The following TAFA2 variants were observed in gnomAD, a reference collection of about 807,000 sequenced individuals.
TAFA2 encodes the protein chemokine-like protein TAFA-2.
Under a neutral mutation model 18.8 loss-of-function variants are expected in TAFA2, and 7 were observed. That is an observed-to-expected ratio of 0.37 (90% CI 0.21 to 0.70). The LOEUF is 0.70. Ranked by LOEUF, TAFA2 falls within the 30% of genes least tolerant of loss-of-function variation. TAFA2 has a pLI of 0.53. For synonymous variants in TAFA2, 60 were observed against 54.2 expected (o/e 1.11, Z -0.47); for missense variants, 122 against 158.1 (o/e 0.77, Z 1.23).
intron 1 of TAFA2, among the ~76,000 whole-genome samples, chr12:62,148,906 T>C (rs923352300): frequency 6.6e-6 from 1 of 152,186 alleles, no homozygotes; most frequent in African/African-American, 2.4e-5. Flanking sequence ...CTTGTTGAGG[T>C]ATTCATGGAT....
At chr12:62,232,266 C>T (rs2062814853) in intron 1 of TAFA2, among the ~76,000 whole-genome samples, 1 of 152,180 alleles carries the variant, frequency 6.6e-6, no homozygotes, top group Admixed American at 6.5e-5. Flanking sequence ...CACTCTCACA[C>T]CCTGGCCAAA....
At chr12:61,905,597 A>T (rs1876312479) in intron 1 of TAFA2, among the ~76,000 whole-genome samples, 1 of 152,194 alleles carries the variant, frequency 6.6e-6, no homozygotes, top group Non-Finnish European at 1.5e-5. Flanking sequence ...TGACCAGATA[A>T]TCTCAATATC....
chr12:61,918,931 GC>G (rs1172131243), intron 1 of TAFA2, among the ~76,000 whole-genome samples: 1 of 152,172 alleles, frequency 6.6e-6, no homozygotes, highest in Non-Finnish European at 1.5e-5. Context: ...CCTGGCCTTT[GC>G]CTGTGCTAGC....
At chr12:62,112,345 C>T (rs181713034) in intron 1 of TAFA2, among the ~76,000 whole-genome samples, 11 of 152,282 alleles carry the variant, frequency 7.2e-5, no homozygotes, top group Admixed American at 2.6e-4. Flanking sequence ...AGGGTTTCTG[C>T]AGAGAGATCT....
intron 1 of TAFA2, among the ~76,000 whole-genome samples, chr12:62,036,398 C>G (rs1168555650): frequency 6.6e-6 from 1 of 152,160 alleles, no homozygotes; most frequent in African/African-American, 2.4e-5. Flanking sequence ...CTCTCTAAGC[C>G]TACAGAAGAG....
At chr12:62,105,544 G>A (rs146857656) in intron 1 of TAFA2, among the ~76,000 whole-genome samples, 19 of 152,254 alleles carry the variant, frequency 1.2e-4, no homozygotes, top group Non-Finnish European at 2.4e-4. Context: ...AATAATGCAT[G>A]TTACTCTACC....
In TAFA2 at chr12:62,119,632, G is replaced by A. The variant is rs550106219; in HGVS notation, c.-2+71627C>T. On this transcript the variant is annotated intron_variant, in intron 1 of 4. Coordinates refer to ENST00000416284, the MANE Select transcript of TAFA2 (RefSeq NM_178539.5). ...TTTGAACGCTGCTTTAAATGAAACC[G>A]AATTAACCTGTACCTTATAGATAAG... is the stretch of plus-strand genomic sequence containing the variant. Among the ~76,000 whole-genome samples, 6 of 152,058 alleles carry A rather than the reference G, an allele frequency of 3.9e-5. No homozygotes were observed. In the South Asian group the frequency reaches 8.3e-4, roughly 21 times the overall value.
In TAFA2 at chr12:61,916,345, A is replaced by C. The variant is rs78254527; in HGVS notation, c.-1-48919T>G. Among the ~76,000 whole-genome samples, 1,027 of 152,282 alleles carry C rather than the reference A, an allele frequency of 6.7e-3. 22 individuals carry two copies. The East Asian group carries it at 0.073, about 11-fold the overall frequency. On this transcript the variant is annotated intron_variant, in intron 1 of 4. Transcript: ENST00000416284. ...TGTTTCCTCAACTAAACTTCCACATAATAGAGATCAGAATGTTTCATTACA... is the reference window on the plus strand; with the variant it reads ...TGTTTCCTCAACTAAACTTCCACATCATAGAGATCAGAATGTTTCATTACA...
chr12:61,780,586 T>C (rs1169855766), intron 2 of TAFA2, among the ~76,000 whole-genome samples: 1 of 151,612 alleles, frequency 6.6e-6, no homozygotes, highest in African/African-American at 2.4e-5. Context: ...GAGCCATATA[T>C]CCCTTTGACA....
At chr12:62,205,977 T>G (rs537806136) in intron 1 of TAFA2, among the ~76,000 whole-genome samples, 1 of 152,270 alleles carries the variant, frequency 6.6e-6, no homozygotes, top group East Asian at 1.9e-4. Flanking sequence ...GAAAGCTCCC[T>G]TTTCCCCATG....
At chr12:62,229,831 C>T (rs890170067) in intron 1 of TAFA2, among the ~76,000 whole-genome samples, 2 of 151,808 alleles carry the variant, frequency 1.3e-5, no homozygotes, top group Non-Finnish European at 2.9e-5. Context: ...GAAGTGAAGT[C>T]ATCGTGTCCT....
intron 1 of TAFA2, among the ~76,000 whole-genome samples, chr12:61,885,415 C>G (rs986232227): frequency 6.6e-6 from 1 of 152,200 alleles, no homozygotes; most frequent in Non-Finnish European, 1.5e-5. Flanking sequence ...TAGTCCCACA[C>G]TTTCCATACT....
intron 1 of TAFA2, among the ~76,000 whole-genome samples, chr12:62,084,408 G>A (rs1216749254): frequency 5.9e-5 from 9 of 152,170 alleles, no homozygotes; most frequent in African/African-American, 7.2e-5. Flanking sequence ...GCTGAGCAGA[G>A]CAATGCAAAG....
chr12:61,710,479 A>G, intron 4 of TAFA2, 62 bp from the exon 5 acceptor site: 1 of 1,386,840 alleles, frequency 7.2e-7, no homozygotes, highest in African/African-American at 1.4e-5. Context: ...TTAAAACTAA[A>G]CACAATTAAA....
At chr12:62,201,510 C>A (rs2062670772) in intron 1 of TAFA2, among the ~76,000 whole-genome samples, 1 of 152,190 alleles carries the variant, frequency 6.6e-6, no homozygotes, top group South Asian at 2.1e-4. Flanking sequence ...TGGTTACTGT[C>A]TTTAATTCTG....
chr12:61,998,908 C>T (rs993268987), intron 1 of TAFA2, among the ~76,000 whole-genome samples: 2 of 152,214 alleles, frequency 1.3e-5, no homozygotes, highest in African/African-American at 4.8e-5. Flanking sequence ...TAGAGATTCA[C>T]CTCCCGTATT....
At chr12:61,958,126 T>C (rs1042062115) in intron 1 of TAFA2, among the ~76,000 whole-genome samples, 1 of 152,112 alleles carries the variant, frequency 6.6e-6, no homozygotes, top group African/African-American at 2.4e-5. Context: ...CAGATATGTA[T>C]ACAGAATTTA....
At position 61,941,886 on chromosome 12, in the gene TAFA2, G is replaced by A. The variant is rs868572381; in HGVS notation, c.-1-74460C>T. On this transcript the variant is annotated intron_variant, in intron 1 of 4. Transcript: ENST00000416284. ...CAGCGAGGCTGGGGGAGGGGCGCCC[G>A]CCATTGCCCAGGCTTGATTAGGTAA... 3.1e-3 allele frequency among the ~76,000 whole-genome samples: 470 copies of A among 152,282 alleles called. 5 individuals carry two copies. The highest frequency in any genetic ancestry group is 0.011 in the African/African-American group (441 of 41,550).
intron 1 of TAFA2, among the ~76,000 whole-genome samples, chr12:62,165,953 A>T (rs998629618): frequency 1.5e-4 from 22 of 151,152 alleles, no homozygotes; most frequent in African/African-American, 2.9e-4. Flanking sequence ...ACACACACAC[A>T]CACACACACA....
Sources: allele counts gnomAD v4.1 joint callset (sites outside exome capture counted in the v4.1 genomes callset), GRCh38; gene constraint gnomAD v4.1.1; transcripts MANE v1.5; gene names NCBI Gene and HGNC (gene_info 2026-07-23, HGNC 2026-07-21).